Variants in GLT1D1 observed in about 807,000 individuals in gnomAD.
The protein encoded by GLT1D1 is glycosyltransferase 1 domain-containing protein 1.
GLT1D1 carries 21 observed loss-of-function variants against 28.7 expected under a neutral mutation model. The observed-to-expected ratio is 0.73, with a 90% CI of 0.52 to 1.05. The LOEUF is 1.05. Among genes scored for constraint, GLT1D1 ranks in the 50% least tolerant of loss-of-function variants. The pLI, the probability that GLT1D1 is intolerant of heterozygous loss-of-function variation, is 0.00. For synonymous variants in GLT1D1, 147 were observed against 124.8 expected, an observed-to-expected ratio of 1.18 and a Z score of -1.19; for missense variants, 343 against 330.6, an observed-to-expected ratio of 1.04 and a Z score of -0.29.
chr12:128,908,541 CTTT>C (rs956758376), intron 4 of GLT1D1, among the ~76,000 whole-genome samples: 8 of 125,044 alleles, frequency 6.4e-5, no homozygotes, highest in African/African-American at 2.8e-4. Context: ...CTTTCTTCTT[CTTT>C]TTTTTTTAAT....
chr12:128,856,345 C>T (rs1024718103), intron 1 of GLT1D1, among the ~76,000 whole-genome samples: 1 of 152,124 alleles, frequency 6.6e-6, no homozygotes, highest in Non-Finnish European at 1.5e-5. Context: ...ACTTAGAATG[C>T]CTTAACCATC....
At chr12:128,859,885 A>G (rs1956313407) in intron 1 of GLT1D1, among the ~76,000 whole-genome samples, 1 of 152,186 alleles carries the variant, frequency 6.6e-6, no homozygotes, top group Non-Finnish European at 1.5e-5. Flanking sequence ...GCTGTCTAGT[A>G]GTTTTTTAGA....
At chr12:128,890,511 C>T (rs1178368816) in intron 3 of GLT1D1, among the ~76,000 whole-genome samples, 2 of 152,238 alleles carry the variant, frequency 1.3e-5, no homozygotes, top group African/African-American at 4.8e-5. Context: ...AGGCCGGGCA[C>T]GGTGACTCAG....
chr12:128,901,728 C>A (rs905777273), intron 4 of GLT1D1, among the ~76,000 whole-genome samples: 6 of 151,168 alleles, frequency 4.0e-5, no homozygotes, highest in Non-Finnish European at 5.9e-5. Context: ...AGCCACCATG[C>A]CTGGTCCCTC....
chr12:128,877,436 CTTA>C (rs1956893737), intron 2 of GLT1D1, among the ~76,000 whole-genome samples: 1 of 152,144 alleles, frequency 6.6e-6, no homozygotes, highest in Non-Finnish European at 1.5e-5. Flanking sequence ...TGTATCAAAC[CTTA>C]TTTAAGCTCC....
chr12:128,959,025 A>C (rs867872606), intron 7 of GLT1D1, among the ~76,000 whole-genome samples: 2 of 150,960 alleles, frequency 1.3e-5, no homozygotes, highest in African/African-American at 4.9e-5. Context: ...TTTTTTAGAG[A>C]CAGGAGCTTG....
chr12:128,877,506 T>C (rs1418733381), intron 2 of GLT1D1, among the ~76,000 whole-genome samples: 1 of 152,252 alleles, frequency 6.6e-6, no homozygotes, highest in Non-Finnish European at 1.5e-5. Context: ...GAACACTCTC[T>C]TCATATATGG....
intron 7 of GLT1D1, among the ~76,000 whole-genome samples, chr12:128,967,896 C>G (rs938341462): frequency 1.3e-5 from 2 of 152,246 alleles, no homozygotes; most frequent in African/African-American, 4.8e-5. Context: ...AGATGCAGAT[C>G]CTGCTGCGTT....
At position 128,888,680 on chromosome 12, in the gene GLT1D1, G is replaced by A; in HGVS notation, c.259G>A (p.Val87Ile). ...TGGAGTCATCTTTGGTGGAACTGAT[G>A]TAAATGAAGATGCCAACCAGGCGGA... Residue 87 changes from valine (V) to isoleucine (I), a missense_variant, in exon 3 of 8, where the codon GTA becomes ATA. By Grantham distance (29) the Val-to-Ile change is conservative (BLOSUM62 3). Coordinates refer to ENST00000281703, the MANE Select transcript of GLT1D1 (RefSeq NM_144669.3). The A allele has an allele frequency of 6.2e-7, 1 of 1,613,928 alleles. No individual in the cohort carries two copies. The highest frequency in any genetic ancestry group is 1.3e-5 in the African/African-American group (1 of 75,030).
intron 1 of GLT1D1, among the ~76,000 whole-genome samples, chr12:128,863,384 T>A (rs976243469): frequency 4.6e-5 from 7 of 152,236 alleles, no homozygotes; most frequent in South Asian, 2.1e-4. Flanking sequence ...TATTATTTTT[T>A]TTTTTGAAAT....
chr12:128,955,215 C>G (rs561429705), intron 6 of GLT1D1, among the ~76,000 whole-genome samples: 3 of 152,260 alleles, frequency 2.0e-5, no homozygotes, highest in Admixed American at 2.0e-4. Context: ...TGTAGAAGAA[C>G]TGAAAGAATG....
intron 5 of GLT1D1, among the ~76,000 whole-genome samples, chr12:128,945,638 G>A (rs1336553927): frequency 1.3e-5 from 2 of 152,226 alleles, no homozygotes; most frequent in Non-Finnish European, 2.9e-5. Flanking sequence ...TGGAAGAATG[G>A]AGGGGTATTG....
At chr12:128,874,042 TGCC>T in intron 1 of GLT1D1, among the ~76,000 whole-genome samples, 2 of 50,370 alleles carry the variant, frequency 4.0e-5, no homozygotes, top group Admixed American at 3.0e-4. Context: ...CCTCCCTCCC[TGCC>T]TCCCTCCCTC....
chr12:128,867,002 C>T (rs542805666), intron 1 of GLT1D1, among the ~76,000 whole-genome samples: 3 of 152,288 alleles, frequency 2.0e-5, no homozygotes, highest in South Asian at 2.1e-4. Context: ...ACTGTCTCCC[C>T]GTCTCCCTGG....
chr12:128,877,345 A>C (rs559487066), intron 2 of GLT1D1, among the ~76,000 whole-genome samples: 1 of 152,306 alleles, frequency 6.6e-6, no homozygotes, highest in South Asian at 2.1e-4. Context: ...ATCAGGATTA[A>C]ATTTTGGTCA....
intron 4 of GLT1D1, among the ~76,000 whole-genome samples, chr12:128,931,693 GTGTT>G (rs549524453): frequency 1.8e-4 from 27 of 152,262 alleles, no homozygotes; most frequent in Middle Eastern, 3.4e-3. Flanking sequence ...AGTGTAAAAA[GTGTT>G]TGTCTTCCCT....
chr12:128,880,465 G>A (rs902502366), intron 2 of GLT1D1, among the ~76,000 whole-genome samples: 1 of 152,184 alleles, frequency 6.6e-6, no homozygotes, highest in Non-Finnish European at 1.5e-5. Context: ...ATTCCTCAGG[G>A]TTATGTTTTT....
At chr12:128,923,534 T>C (rs1215909160) in intron 4 of GLT1D1, among the ~76,000 whole-genome samples, 1 of 151,964 alleles carries the variant, frequency 6.6e-6, no homozygotes, top group East Asian at 1.9e-4. Context: ...TTTTCTTTTT[T>C]TTTTTGAGAT....
At chr12:128,873,330 A>C (rs560349219) in intron 1 of GLT1D1, among the ~76,000 whole-genome samples, 1 of 152,318 alleles carries the variant, frequency 6.6e-6, no homozygotes, top group African/African-American at 2.4e-5. Context: ...TGAATCTTGG[A>C]ATTCATTCTT....
Sources: gnomAD v4.1 joint callset for allele counts (sites outside exome capture counted in the v4.1 genomes callset) on GRCh38, gnomAD v4.1.1 for gene constraint, MANE v1.5 for transcripts, NCBI Gene and HGNC (gene_info 2026-07-23, HGNC 2026-07-21) for gene names.